CTNND2: variants seen among roughly 807,000 people sequenced by gnomAD.
CTNND2 encodes catenin delta 2, also known as catenin delta-2.
CTNND2 carries 22 observed loss-of-function variants against 144.4 expected under a neutral mutation model. That is an observed-to-expected ratio of 0.15 (90% confidence interval 0.11 to 0.22). The LOEUF (loss-of-function observed/expected upper bound fraction) is 0.22. Ranked by LOEUF, CTNND2 falls within the 10% of genes least tolerant of loss-of-function variation. The pLI is 1.00. For missense variants in CTNND2, 1,353 were observed against 1,618.8 expected (o/e 0.84, Z 2.82); for synonymous variants, 751 against 695.6 (o/e 1.08, Z -1.25).
At chr5:11,265,283 GAACAGAGGA>G (rs1364262098) in intron 9 of CTNND2, among the ~76,000 whole-genome samples, 1 of 152,292 alleles carries the variant, frequency 6.6e-6, no homozygotes, top group East Asian at 1.9e-4. Flanking sequence ...GTACATGAGA[GAACAGAGGA>G]AACAAAAATC....
At chr5:11,568,136 C>T (rs1777269181) in intron 2 of CTNND2, among the ~76,000 whole-genome samples, 3 of 152,272 alleles carry the variant, frequency 2.0e-5, no homozygotes, top group African/African-American at 7.2e-5. Flanking sequence ...ACATTCCCAC[C>T]TCTGTGTGAG....
intron 1 of CTNND2, among the ~76,000 whole-genome samples, chr5:11,849,527 T>A (rs954857934): frequency 6.6e-6 from 1 of 152,200 alleles, no homozygotes; most frequent in African/African-American, 2.4e-5. Context: ...GAGTCCCAAC[T>A]AATCAGGAAA....
At chr5:11,883,770 T>C (rs1736310564) in intron 1 of CTNND2, among the ~76,000 whole-genome samples, 1 of 152,196 alleles carries the variant, frequency 6.6e-6, no homozygotes. Flanking sequence ...TCTTCCACAA[T>C]GGTTGAACTA....
intron 1 of CTNND2, among the ~76,000 whole-genome samples, chr5:11,820,681 T>C (rs542749900): frequency 6.6e-6 from 1 of 152,340 alleles, no homozygotes; most frequent in East Asian, 1.9e-4. Flanking sequence ...ATATGGACTG[T>C]AAATTAATGT....
At chr5:11,371,690 T>C (rs775388471) in intron 7 of CTNND2, among the ~76,000 whole-genome samples, 3 of 152,220 alleles carry the variant, frequency 2.0e-5, no homozygotes, top group Non-Finnish European at 4.4e-5. Context: ...ATCAAGCCTA[T>C]CAACTGAATT....
intron 2 of CTNND2, among the ~76,000 whole-genome samples, chr5:11,568,964 A>C (rs567325945): frequency 6.6e-6 from 1 of 152,350 alleles, no homozygotes; most frequent in African/African-American, 2.4e-5. Context: ...TAATTCAGCA[A>C]AAGTGAGACT....
At chr5:11,035,477 T>C (rs189507405) in intron 16 of CTNND2, among the ~76,000 whole-genome samples, 21 of 152,318 alleles carry the variant, frequency 1.4e-4, no homozygotes, top group South Asian at 1.0e-3. Context: ...TGTGATTACA[T>C]TGGGCCCACT....
At chr5:11,710,716 C>T (rs2126691820) in intron 2 of CTNND2, among the ~76,000 whole-genome samples, 2 of 152,142 alleles carry the variant, frequency 1.3e-5, no homozygotes, top group Admixed American at 1.3e-4. Flanking sequence ...TATTTTTTCC[C>T]TAAATGCCTC....
At chr5:11,693,342 T>C (rs914234081) in intron 2 of CTNND2, among the ~76,000 whole-genome samples, 1 of 152,232 alleles carries the variant, frequency 6.6e-6, no homozygotes, top group Non-Finnish European at 1.5e-5. Context: ...GCAAACCAAA[T>C]GGACAGATAC....
intron 9 of CTNND2, among the ~76,000 whole-genome samples, chr5:11,345,058 A>G (rs1369251450): frequency 6.6e-6 from 1 of 152,186 alleles, no homozygotes; most frequent in Non-Finnish European, 1.5e-5. Flanking sequence ...GTCTTTTAGC[A>G]TTTCTTAAGG....
intron 17 of CTNND2, among the ~76,000 whole-genome samples, 175 bp downstream of exon 17, chr5:11,022,594 A>AT (rs1206313762): frequency 1.3e-5 from 2 of 152,170 alleles, no homozygotes; most frequent in Non-Finnish European, 2.9e-5. Context: ...CGTCAAGTCC[A>AT]TTTTACCAAC....
chr5:11,040,919 T>C (rs946544801), intron 16 of CTNND2, among the ~76,000 whole-genome samples: 4 of 152,208 alleles, frequency 2.6e-5, no homozygotes, highest in African/African-American at 9.6e-5. Flanking sequence ...GGTGTTTTAT[T>C]TTTAGGTCAA....
intron 3 of CTNND2, among the ~76,000 whole-genome samples, chr5:11,535,119 C>T (rs1774094036): frequency 6.7e-6 from 1 of 150,118 alleles, no homozygotes; most frequent in Admixed American, 6.7e-5. Context: ...ACCCAGGAGG[C>T]AGAGGTTGCA....
chr5:11,553,243 G>C (rs548234093), intron 3 of CTNND2, among the ~76,000 whole-genome samples: 1 of 152,178 alleles, frequency 6.6e-6, no homozygotes, highest in Non-Finnish European at 1.5e-5. Flanking sequence ...GGTGGCCTGC[G>C]TGAAAGGGAA....
rs184725811 is a variant in CTNND2, at chr5:11,178,971, C to T, written c.1976-19212G>A. Among the ~76,000 whole-genome samples, 114 of 152,284 alleles carry T rather than the reference C, an allele frequency of 7.5e-4. 1 individual carries two copies. The highest frequency in any genetic ancestry group is 2.6e-3 in the African/African-American group (110 of 41,562). Reference sequence around the variant, plus strand: ...AAATTACCCCACTGAGATGACAGTGCATATATTTTACAACTATTTCTTAAT... The same window carrying T: ...AAATTACCCCACTGAGATGACAGTGTATATATTTTACAACTATTTCTTAAT... On this transcript the variant is annotated intron_variant, in intron 11 of 21. Coordinates refer to ENST00000304623, the MANE Select transcript of CTNND2 (RefSeq NM_001332.4).
chr5:11,504,244 A>T (rs1315220360), intron 3 of CTNND2, among the ~76,000 whole-genome samples: 1 of 152,234 alleles, frequency 6.6e-6, no homozygotes, highest in African/African-American at 2.4e-5. Flanking sequence ...AGGCATGGTC[A>T]GGTCTAATGC....
At chr5:11,803,917 C>T (rs1470797653) in intron 1 of CTNND2, among the ~76,000 whole-genome samples, 2 of 152,086 alleles carry the variant, frequency 1.3e-5, no homozygotes, top group South Asian at 2.1e-4. Context: ...TTACTAAATC[C>T]TGGCAACCTC....
At chr5:11,025,125 A>G (rs913794610) in intron 16 of CTNND2, among the ~76,000 whole-genome samples, 2 of 152,162 alleles carry the variant, frequency 1.3e-5, no homozygotes, top group African/African-American at 4.8e-5. Context: ...CATTAAGTCT[A>G]TTTATCAGTC....
intron 16 of CTNND2, among the ~76,000 whole-genome samples, chr5:11,071,125 A>G (rs558610303): frequency 6.6e-6 from 1 of 152,332 alleles, no homozygotes; most frequent in African/African-American, 2.4e-5. Context: ...TCTTAGGAAC[A>G]AAGGTACGTG....
Sources: gnomAD v4.1 joint callset for allele counts (sites outside exome capture counted in the v4.1 genomes callset) on GRCh38, gnomAD v4.1.1 for gene constraint, MANE v1.5 for transcripts, NCBI Gene and HGNC (gene_info 2026-07-23, HGNC 2026-07-21) for gene names.